Variants in CCSER2 observed in about 807,000 individuals in gnomAD.
The protein encoded by CCSER2 is coiled-coil serine rich protein 2.
A neutral mutation model predicts 92.3 loss-of-function variants in CCSER2; 46 were observed. That is an observed-to-expected ratio of 0.50 (90% CI 0.39 to 0.64). The LOEUF (loss-of-function observed/expected upper bound fraction) is 0.64, where lower values mean the gene tolerates loss of function less well. Ranked by LOEUF, CCSER2 falls within the 30% of genes least tolerant of loss-of-function variation. The pLI is 0.00. For missense variants in CCSER2, 1,244 were observed against 1,238.9 expected (o/e 1.00, Z -0.06); for synonymous variants, 433 against 431.4 (o/e 1.00, Z -0.04).
At chr10:84,385,366 G>A (rs2133231299) in intron 3 of CCSER2, among the ~76,000 whole-genome samples, 1 of 152,248 alleles carries the variant, frequency 6.6e-6, no homozygotes, top group South Asian at 2.1e-4. Flanking sequence ...ATACTACAAA[G>A]CTGTAGTAAC....
intron 3 of CCSER2, among the ~76,000 whole-genome samples, chr10:84,386,131 TG>T (rs1841192399): frequency 1.3e-5 from 2 of 152,088 alleles, no homozygotes; most frequent in African/African-American, 4.8e-5. Flanking sequence ...ACACTGTTGG[TG>T]GGAATGAAAA....
intron 6 of CCSER2, among the ~76,000 whole-genome samples, chr10:84,457,932 G>A (rs1845873468): frequency 6.6e-6 from 1 of 151,480 alleles, no homozygotes; most frequent in Admixed American, 6.6e-5. Flanking sequence ...TTTCCGTAGA[G>A]ATGGGGTTTT....
At chr10:84,370,332 T>C (rs2133162144) in intron 1 of CCSER2, among the ~76,000 whole-genome samples, 1 of 152,262 alleles carries the variant, frequency 6.6e-6, no homozygotes, top group Middle Eastern at 3.4e-3. Flanking sequence ...CTTCTCCTTG[T>C]AGAGATCTTT....
At chr10:84,363,086 A>G (rs1845594099) in intron 1 of CCSER2, among the ~76,000 whole-genome samples, 1 of 148,964 alleles carries the variant, frequency 6.7e-6, no homozygotes, top group African/African-American at 2.5e-5. Context: ...ACCTCAGGTG[A>G]TCCACCCGCC....
At chr10:84,405,297 A>G (rs576818683) in intron 3 of CCSER2, among the ~76,000 whole-genome samples, 7 of 151,726 alleles carry the variant, frequency 4.6e-5, no homozygotes, top group Admixed American at 6.7e-5. Context: ...AACTTTGACT[A>G]AAATTTTACA....
chr10:84,465,314 ATTTTTTTTTTTTTTTT>A (rs34510394), intron 7 of CCSER2, among the ~76,000 whole-genome samples: 3 of 49,900 alleles, frequency 6.0e-5, no homozygotes, highest in Admixed American at 2.8e-4. Context: ...ACATGTAAAG[ATTTTTTTTTTTTTTTT>A]TTTTTTTTTT....
chr10:84,402,618 T>A (rs1339742811), intron 3 of CCSER2, among the ~76,000 whole-genome samples: 1 of 152,186 alleles, frequency 6.6e-6, no homozygotes, highest in East Asian at 1.9e-4. Flanking sequence ...CATCAATTAA[T>A]GACCTTTGCA....
chr10:84,395,543 T>C (rs1841782208), intron 3 of CCSER2, among the ~76,000 whole-genome samples: 1 of 152,234 alleles, frequency 6.6e-6, no homozygotes, highest in Non-Finnish European at 1.5e-5. Context: ...CTTCAACTTC[T>C]AGTGGCATTT....
chr10:84,348,293 A>G (rs1341918178), intron 1 of CCSER2, among the ~76,000 whole-genome samples: 1 of 152,222 alleles, frequency 6.6e-6, no homozygotes, highest in Admixed American at 6.5e-5. Context: ...TCCACCAAAA[A>G]ATACGAAAAC....
chr10:84,508,674 A>G (rs951823969), intron 9 of CCSER2, among the ~76,000 whole-genome samples: 4 of 152,180 alleles, frequency 2.6e-5, no homozygotes, highest in Admixed American at 1.3e-4. Flanking sequence ...GTGTCATATT[A>G]AATATGCTTG....
At chr10:84,438,007 T>C (rs553787255) in intron 5 of CCSER2, among the ~76,000 whole-genome samples, 21 of 152,182 alleles carry the variant, frequency 1.4e-4, no homozygotes, top group Non-Finnish European at 2.4e-4. Context: ...TTGGAAAATA[T>C]GCTTTATTAG....
chr10:84,347,368 C>T (rs1297683365), intron 1 of CCSER2, among the ~76,000 whole-genome samples: 3 of 151,750 alleles, frequency 2.0e-5, no homozygotes, highest in African/African-American at 7.3e-5. Flanking sequence ...CAGAGGTGCC[C>T]CCCCACCTCC....
chr10:84,486,403 C>T (rs1361798194), intron 9 of CCSER2, among the ~76,000 whole-genome samples: 1 of 152,192 alleles, frequency 6.6e-6, no homozygotes, highest in Non-Finnish European at 1.5e-5. Flanking sequence ...TCTCCAGCAC[C>T]TGTTGTTTCC....
chr10:84,405,697 A>G (rs961777298), intron 3 of CCSER2, among the ~76,000 whole-genome samples: 3 of 152,242 alleles, frequency 2.0e-5, no homozygotes, highest in Non-Finnish European at 4.4e-5. Flanking sequence ...GCACATAAAC[A>G]TGTAAAAGTG....
intron 9 of CCSER2, among the ~76,000 whole-genome samples, chr10:84,502,298 T>C (rs1282652382): frequency 6.6e-6 from 1 of 151,820 alleles, no homozygotes; most frequent in East Asian, 1.9e-4. Context: ...GAGAGGTTGA[T>C]TGTGCTTAAG....
chr10:84,420,132 A>T (rs1276720230), intron 4 of CCSER2, among the ~76,000 whole-genome samples: 1 of 152,242 alleles, frequency 6.6e-6, no homozygotes, highest in Non-Finnish European at 1.5e-5. Flanking sequence ...TCTGAGTGGA[A>T]GTAGAAAGAA....
At chr10:84,450,688 A>G (rs548240838) in intron 6 of CCSER2, among the ~76,000 whole-genome samples, 1 of 152,318 alleles carries the variant, frequency 6.6e-6, no homozygotes, top group Admixed American at 6.5e-5. Flanking sequence ...TTTTATTTTT[A>G]AAAACCTGAG....
At position 84,515,306 on chromosome 10, in the gene CCSER2, A is replaced by G. The variant is rs576413379; in HGVS notation, c.*1039A>G. On this transcript the variant is annotated 3_prime_UTR_variant, in exon 10 of 10. Coordinates refer to ENST00000372088, the MANE Select transcript of CCSER2 (RefSeq NM_001284240.2). ...ATATAGGGATTGTAAACTATTTTCT[A>G]TAGCAAAACAAGTTAAAATATTTTG... 1.3e-5 allele frequency: 2 copies of G among 152,788 alleles called. No homozygotes were observed. Among genetic ancestry groups the G allele is most frequent in the African/African-American group, 4.8e-5 (2 of 41,578 alleles). 9.5% of individuals were successfully genotyped at this position (152,788 alleles called of 1,614,324 possible). A position where few individuals can be genotyped will look rare whatever the true frequency, so the allele number is the denominator to read the frequency against.
At chr10:84,362,305 G>C (rs11597309) in intron 1 of CCSER2, among the ~76,000 whole-genome samples, 31,840 of 151,984 alleles carry the variant, frequency 0.21, 3,556 homozygotes, top group Admixed American at 0.34. Flanking sequence ...AATTGTTATA[G>C]GTGTCTACTA....
Sources: gnomAD v4.1 joint callset for allele counts (sites outside exome capture counted in the v4.1 genomes callset) on GRCh38, gnomAD v4.1.1 for gene constraint, MANE v1.5 for transcripts, NCBI Gene and HGNC (gene_info 2026-07-23, HGNC 2026-07-21) for gene names.